Variants in CTNND2 observed in about 807,000 individuals in gnomAD.
CTNND2 encodes catenin delta 2, also known as catenin delta-2.
A neutral mutation model predicts 144.4 loss-of-function variants in CTNND2; 22 were observed. The observed-to-expected ratio is 0.15, with a 90% confidence interval of 0.11 to 0.22. CTNND2 has a LOEUF of 0.22. Ranked by LOEUF, CTNND2 falls within the 10% of genes least tolerant of loss-of-function variation. CTNND2 has a pLI of 1.00. For synonymous variants in CTNND2, 751 were observed against 695.6 expected (o/e 1.08, Z -1.25); for missense variants, 1,353 against 1,618.8 (o/e 0.84, Z 2.82).
chr5:11,413,597 C>T lies in CTNND2; in HGVS notation c.288-1528G>A, dbSNP rs61755485. Among the ~76,000 whole-genome samples the T allele has an allele frequency of 2.1e-3, 325 of 152,294 alleles. 2 individuals carry two copies. Among genetic ancestry groups the T allele is most frequent in the African/African-American group, 7.5e-3 (312 of 41,566 alleles). On this transcript the variant is annotated intron_variant, in intron 3 of 21. Transcript: ENST00000304623. ...TTACTTGTGTCAGAATCACCTGTAG[C>T]ATTTCTTAAGTATATGTATTTTGGG...
chr5:11,207,536 GAC>G, intron 10 of CTNND2, among the ~76,000 whole-genome samples: 1 of 152,144 alleles, frequency 6.6e-6, no homozygotes, highest in Non-Finnish European at 1.5e-5. Context: ...GGTGAGGGCT[GAC>G]ACATTCTTTC....
At chr5:11,772,568 G>A (rs1315614249) in intron 1 of CTNND2, among the ~76,000 whole-genome samples, 2 of 152,160 alleles carry the variant, frequency 1.3e-5, no homozygotes, top group Non-Finnish European at 2.9e-5. Context: ...TAATGGTGAA[G>A]AACTTTGATT....
chr5:11,143,403 A>G (rs1756934809), intron 12 of CTNND2, among the ~76,000 whole-genome samples: 1 of 152,194 alleles, frequency 6.6e-6, no homozygotes, highest in Admixed American at 6.5e-5. Flanking sequence ...GGGTTGTGAA[A>G]AAAAACTCGT....
chr5:11,669,195 T>C (rs1032611863), intron 2 of CTNND2, among the ~76,000 whole-genome samples: 3 of 152,210 alleles, frequency 2.0e-5, no homozygotes, highest in Non-Finnish European at 4.4e-5. Context: ...TTCGCAGTGA[T>C]GTTCATCAGG....
chr5:11,237,186 A>AT (rs1431310187), intron 9 of CTNND2, among the ~76,000 whole-genome samples: 4 of 151,822 alleles, frequency 2.6e-5, no homozygotes, highest in East Asian at 1.9e-4. Flanking sequence ...CGCCTGGCCA[A>AT]TTTTTTGTAT....
rs577906461 is a variant in CTNND2, at chr5:11,510,611, A to G, written c.287+54333T>C. Among the ~76,000 whole-genome samples, 141 of 152,354 alleles carry G rather than the reference A, an allele frequency of 9.3e-4. 1 individual carries two copies. The South Asian group carries it at 9.7e-3, about 11-fold the overall frequency. On this transcript the variant is annotated intron_variant, in intron 3 of 21. Transcript: ENST00000304623. ...TACATAAGAAACATAATTCAAAGTA[A>G]CAGAAAAGCAAACACACTCAAATTT...
intron 2 of CTNND2, among the ~76,000 whole-genome samples, chr5:11,624,560 T>A (rs998149715): frequency 6.6e-6 from 1 of 152,120 alleles, no homozygotes; most frequent in Non-Finnish European, 1.5e-5. Flanking sequence ...TAATTTTAGA[T>A]GTAATTTTGT....
At chr5:11,074,477 T>A (rs1436360294) in intron 16 of CTNND2, among the ~76,000 whole-genome samples, 2 of 152,198 alleles carry the variant, frequency 1.3e-5, no homozygotes, top group African/African-American at 4.8e-5. Flanking sequence ...GTCATTGAAG[T>A]GGAGACACAG....
intron 12 of CTNND2, among the ~76,000 whole-genome samples, chr5:11,125,176 G>T (rs368396662): frequency 8.1e-4 from 123 of 152,262 alleles, no homozygotes; most frequent in African/African-American, 2.6e-3. Flanking sequence ...CACTGGGTCT[G>T]CTGACTCCAC....
intron 12 of CTNND2, among the ~76,000 whole-genome samples, chr5:11,136,654 A>T (rs569963170): frequency 6.6e-6 from 1 of 152,206 alleles, no homozygotes; most frequent in African/African-American, 2.4e-5. Flanking sequence ...ACTTCAAAGC[A>T]TTTCCAGAAT....
intron 16 of CTNND2, among the ~76,000 whole-genome samples, chr5:11,073,215 C>T (rs1367125648): frequency 6.6e-6 from 1 of 152,192 alleles, no homozygotes; most frequent in Non-Finnish European, 1.5e-5. Flanking sequence ...TAGCAGTCCA[C>T]ACATAGAAGG....
chr5:11,536,773 G>C (rs1197447566), intron 3 of CTNND2, among the ~76,000 whole-genome samples: 1 of 152,072 alleles, frequency 6.6e-6, no homozygotes, highest in Non-Finnish European at 1.5e-5. Context: ...ATTGGGTACA[G>C]TGCGCACTGT....
intron 1 of CTNND2, among the ~76,000 whole-genome samples, chr5:11,813,706 G>A (rs1561819612): frequency 6.6e-6 from 1 of 152,058 alleles, no homozygotes; most frequent in African/African-American, 2.4e-5. Context: ...TAGAGACAGG[G>A]TCTCGCTATG....
chr5:11,205,657 T>C (rs185333361), intron 10 of CTNND2, among the ~76,000 whole-genome samples: 50 of 152,308 alleles, frequency 3.3e-4, no homozygotes, highest in Non-Finnish European at 5.7e-4. Flanking sequence ...TCAGTTTCCA[T>C]AAAATATGAA....
chr5:11,173,659 G>A (rs1359076714), intron 11 of CTNND2, among the ~76,000 whole-genome samples: 2 of 152,044 alleles, frequency 1.3e-5, no homozygotes, highest in African/African-American at 4.8e-5. Context: ...ATTCCTTCTT[G>A]GTGGATCAAT....
chr5:11,362,937 T>C (rs1756615379), intron 8 of CTNND2, among the ~76,000 whole-genome samples: 1 of 152,246 alleles, frequency 6.6e-6, no homozygotes, highest in Non-Finnish European at 1.5e-5. Flanking sequence ...CCATGGATGA[T>C]ACATAAATGA....
rs557600444 is a variant in CTNND2 at position 11,000,609 on chromosome 5, G to C, written c.3085-7932C>G. 2.6e-4 allele frequency among the ~76,000 whole-genome samples: 40 copies of C among 152,292 alleles called. 1 individual carries two copies. The South Asian group carries it at 7.5e-3, about 28-fold the overall frequency. On this transcript the variant is annotated intron_variant, in intron 18 of 21. Coordinates refer to ENST00000304623, the MANE Select transcript of CTNND2 (RefSeq NM_001332.4). ...TGCAGGGGATGAGCTAGAACTGTCT[G>C]GCAAGGCTCAAAACTATTCTCATGA...
In CTNND2 at chr5:11,656,637, C is replaced by T. The variant is rs939510798; in HGVS notation, c.174+75499G>A. Among the ~76,000 whole-genome samples the T allele has an allele frequency of 2.0e-5, 3 of 152,088 alleles. No individual in the cohort carries two copies. The South Asian group carries it at 6.2e-4, about 32-fold the overall frequency. ...TACTGATCCACGAACAGTGGAAACTCATTGACAGGAAAGTCTTCACCCTCT... is the reference window on the plus strand; with the variant it reads ...TACTGATCCACGAACAGTGGAAACTTATTGACAGGAAAGTCTTCACCCTCT... On this transcript the variant is annotated intron_variant, in intron 2 of 21. Transcript: ENST00000304623.
intron 1 of CTNND2, among the ~76,000 whole-genome samples, chr5:11,818,013 C>T (rs1336791218): frequency 1.8e-5 from 2 of 111,640 alleles, no homozygotes; most frequent in Non-Finnish European, 3.4e-5. Context: ...TTCAGTTCTC[C>T]TCCATCCAAT....
Sources: gnomAD v4.1 joint callset for allele counts (sites outside exome capture counted in the v4.1 genomes callset) on GRCh38, gnomAD v4.1.1 for gene constraint, MANE v1.5 for transcripts, NCBI Gene and HGNC (gene_info 2026-07-23, HGNC 2026-07-21) for gene names.